NT5DC3: variants seen among roughly 807,000 people sequenced by gnomAD.
The protein encoded by NT5DC3 is 5'-nucleotidase domain-containing protein 3.
In NT5DC3, 42 loss-of-function variants were observed where a neutral mutation model predicts 67.8. That is an observed-to-expected ratio of 0.62 (90% CI 0.48 to 0.80). NT5DC3 has a LOEUF of 0.80. Ranked by LOEUF, NT5DC3 falls within the 30% of genes least tolerant of loss-of-function variation. The pLI, the probability that NT5DC3 is intolerant of heterozygous loss-of-function variation, is 0.00. For synonymous variants in NT5DC3, 237 were observed against 255.6 expected, an observed-to-expected ratio of 0.93 and a Z score of 0.69; for missense variants, 570 against 696.4, an observed-to-expected ratio of 0.82 and a Z score of 2.04.
At chr12:103,755,212 A>C in the NT5DC3 span, 1 of 1,534,106 alleles carries the variant, frequency 6.5e-7, no homozygotes, top group African/African-American at 1.4e-5. Flanking sequence ...TATGGGTTTT[A>C]TGGCCTAATA....
chr12:103,840,191 A>G (rs561061073), intron 1 of NT5DC3, among the ~76,000 whole-genome samples: 1 of 152,288 alleles, frequency 6.6e-6, no homozygotes, highest in African/African-American at 2.4e-5. Context: ...AACGATTTAG[A>G]GATAATCTAC....
chr12:103,759,228 G>T, the NT5DC3 span: 15,959 of 1,614,164 alleles, frequency 9.9e-3, 730 homozygotes, highest in East Asian at 0.091. Context: ...AAACGAGGCT[G>T]GGAAGCAAGC....
intron 12 of NT5DC3, 119 bp from the exon 13 acceptor site, chr12:103,780,483 G>C (rs1885505599): frequency 8.6e-6 from 7 of 818,568 alleles, no homozygotes; most frequent in Middle Eastern, 2.3e-4. Context: ...CATCTCAGAG[G>C]CTGGCACCTG....
chr12:103,776,173 A>G lies in NT5DC3; in HGVS notation c.*1656T>C, dbSNP rs1885332040. The G allele has an allele frequency of 6.6e-6, 1 of 152,208 alleles. No individual in the cohort carries two copies. Among genetic ancestry groups the G allele is most frequent in the Non-Finnish European group, 1.5e-5 (1 of 68,046 alleles). The allele number at this position is 152,208 out of a possible 1,614,324, so 9.4% of individuals were successfully genotyped here. On this transcript the variant is annotated 3_prime_UTR_variant, in exon 14 of 14. Transcript: ENST00000392876. ...AGAGTGCAGTAAATATGCACTTTACATTGAAGGATACTACAAATGCAGGTG... is the reference window on the plus strand; with the variant it reads ...AGAGTGCAGTAAATATGCACTTTACGTTGAAGGATACTACAAATGCAGGTG...
rs779969413 is a variant in NT5DC3 at position 103,815,087 on chromosome 12, A to AT, written c.242dup (p.Asn81LysfsTer10). On this transcript the variant is annotated frameshift_variant, in exon 2 of 14. Transcript: ENST00000392876. LOFTEE classifies it high-confidence loss of function. ...CATTGTTTGAGAAAATGGCATCTGG[A>AT]TTCAACAAGTTGCTCATAATGGAAG... 891 of 1,613,434 alleles carry AT rather than the reference A, an allele frequency of 5.5e-4. 1 individual carries two copies. The highest frequency in any genetic ancestry group is 6.8e-4 in the Non-Finnish European group (798 of 1,179,624).
At chr12:103,811,273 T>C (rs1593418667) in intron 2 of NT5DC3, among the ~76,000 whole-genome samples, 1 of 131,670 alleles carries the variant, frequency 7.6e-6, no homozygotes, top group Admixed American at 8.2e-5. Flanking sequence ...CATTCACAAA[T>C]CTGCGGGTGG....
intron 1 of NT5DC3, among the ~76,000 whole-genome samples, chr12:103,825,359 C>T (rs551223832): frequency 6.6e-6 from 1 of 152,242 alleles, no homozygotes; most frequent in South Asian, 2.1e-4. Flanking sequence ...AATAAAACTA[C>T]ATACAACTAC....
rs1179252411 is a variant in NT5DC3, at chr12:103,772,494, G to A, written c.*5335C>T. The A allele has an allele frequency of 3.9e-5, 6 of 152,296 alleles. No individual in the cohort carries two copies. The highest frequency in any genetic ancestry group is 3.9e-4 in the Admixed American group (6 of 15,284). The allele number at this position is 152,296 out of a possible 1,614,324, so 9.4% of individuals were successfully genotyped here. On this transcript the variant is annotated 3_prime_UTR_variant, in exon 14 of 14. Coordinates refer to ENST00000392876, the MANE Select transcript of NT5DC3 (RefSeq NM_001031701.3). Reference sequence around the variant, plus strand: ...ATAACTGGAAAAGTCTCCAAAGTCAGAGTTCAAACCTGCAGGACTGAAAAC... The same window carrying A: ...ATAACTGGAAAAGTCTCCAAAGTCAAAGTTCAAACCTGCAGGACTGAAAAC...
chr12:103,784,518 G>A (rs758340932), intron 12 of NT5DC3, among the ~76,000 whole-genome samples: 3 of 152,234 alleles, frequency 2.0e-5, no homozygotes, highest in Non-Finnish European at 4.4e-5. Flanking sequence ...CAGAGGGCAG[G>A]CATGGGCAAT....
At chr12:103,821,852 A>G (rs1046274796) in intron 1 of NT5DC3, 1 of 152,188 alleles carries the variant, frequency 6.6e-6, no homozygotes, top group South Asian at 2.1e-4. Flanking sequence ...CCCATGCCCT[A>G]CTTTCAACAA....
rs534800414 is a variant in NT5DC3 at position 103,777,871 on chromosome 12, G to C, written c.1605C>G (p.Pro535=). Residue 535 remains proline (P), a synonymous_variant, in exon 14 of 14, where the codon CCC becomes CCG. Transcript: ENST00000392876. The stretch of plus-strand genomic sequence containing the variant: ...CCTGCAGGAGAGGGGTTCCGAAGGT[G>C]GGGGGCCTTTCTGACCAGGCGGGCA... ...HELPAWSERP[P]TFGTPLLQEA... is the part of the protein sequence containing the mutation. 1 of 1,614,096 alleles carries C rather than the reference G, an allele frequency of 6.2e-7. No homozygotes were observed. The highest frequency in any genetic ancestry group is 2.2e-5 in the East Asian group (1 of 44,880).
At chr12:103,788,143 T>C (rs1462991028) in intron 10 of NT5DC3, among the ~76,000 whole-genome samples, 1 of 152,128 alleles carries the variant, frequency 6.6e-6, no homozygotes. Context: ...CACCAAAATA[T>C]ATTAGAACTG....
chr12:103,796,929 C>T lies in NT5DC3; in HGVS notation c.718G>A (p.Asp240Asn). The T allele has an allele frequency of 6.2e-7, 1 of 1,614,064 alleles. No homozygotes were observed. The highest frequency in any genetic ancestry group is 1.1e-5 in the South Asian group (1 of 91,074). Residue 240 changes from aspartate (D) to asparagine (N), a missense_variant, in exon 6 of 14, where the codon GAC becomes AAC. By Grantham distance (23) the Asp-to-Asn change is conservative. Transcript: ENST00000392876. ...TTGTACAGATGCACAGGCTCATAGTCGATGTTGTTCTTGAGGAAGTATTCA... is the reference window on the plus strand; with the variant it reads ...TTGTACAGATGCACAGGCTCATAGTTGATGTTGTTCTTGAGGAAGTATTCA... ...VNEYFLKNNI[D>N]YEPVHLYKDV...
At position 103,785,441 on chromosome 12, in the gene NT5DC3, G is replaced by T. The variant is rs1483194106; in HGVS notation, c.1223C>A (p.Ala408Glu). 1 of 1,613,994 alleles carries T rather than the reference G, an allele frequency of 6.2e-7. No homozygotes were observed. Among genetic ancestry groups the T allele is most frequent in the Non-Finnish European group, 8.5e-7 (1 of 1,179,912 alleles). ...CTCAGATCTCAACTCTGGGATGATTGCACCAGTCCTCCAGCCATGCTTTAG... is the reference window on the plus strand; with the variant it reads ...CTCAGATCTCAACTCTGGGATGATTTCACCAGTCCTCCAGCCATGCTTTAG... ...LTLKHGWRTG[A>E]IIPELRSELK... is the part of the protein sequence containing the mutation. The change falls in exon 12 of 14, where the codon GCA becomes GAA. Residue 408 changes from alanine to glutamate, a missense_variant. By Grantham distance (107) the Ala-to-Glu change is moderately radical. Transcript: ENST00000392876.
rs34153178 is a variant in NT5DC3 at position 103,815,321 on chromosome 12, T to C, written c.209-200A>G. On this transcript the variant is annotated intron_variant, in intron 1 of 13. Transcript: ENST00000392876. Reference sequence around the variant, plus strand: ...GAAATGTCCAGAAATGACAAATCCATAGGCACAGAAAGGAGATTCATGGTT... The same window carrying C: ...GAAATGTCCAGAAATGACAAATCCACAGGCACAGAAAGGAGATTCATGGTT... Among the ~76,000 whole-genome samples the C allele has an allele frequency of 2.1e-3, 325 of 152,278 alleles. 2 individuals are homozygous for C. The highest frequency in any genetic ancestry group is 3.4e-3 in the Middle Eastern group (1 of 294).
At chr12:103,824,970 C>T (rs978267078) in intron 1 of NT5DC3, among the ~76,000 whole-genome samples, 13 of 152,120 alleles carry the variant, frequency 8.5e-5, no homozygotes, top group Non-Finnish European at 4.4e-5. Context: ...GTGCACAGGG[C>T]ACCACATGGG....
rs373379403 is a variant in NT5DC3, at chr12:103,824,778, A to G, written c.209-9657T>C. Among the ~76,000 whole-genome samples the G allele has an allele frequency of 1.2e-3, 115 of 95,010 alleles. 1 individual carries two copies. The highest frequency in any genetic ancestry group is 4.2e-3 in the African/African-American group (103 of 24,580). The allele number at this position is 95,010 out of a possible 152,430, so 62.3% of individuals were successfully genotyped here. ...TTAAATTCCAGCCCACCCTCCCTCC[A>G]CCCCTGCCCAGCCCCAGGCCCTACT... On this transcript the variant is annotated intron_variant, in intron 1 of 13. Transcript: ENST00000392876.
rs1306955184 is a variant in NT5DC3 at position 103,787,325 on chromosome 12, CCTTAAATAAAAGATATATT to C, written c.1188+97_1188+115del. ...AGGTTTTATGAAAGCATAAAGATGACCTTAAATAAAAGATATATTCTTAAATAAAAGGTACATCCTTAAA... is the reference window on the plus strand; with the variant it reads ...AGGTTTTATGAAAGCATAAAGATGACCTTAAATAAAAGGTACATCCTTAAA... On this transcript the variant is annotated intron_variant, in intron 11 of 13. Coordinates refer to ENST00000392876, the MANE Select transcript of NT5DC3 (RefSeq NM_001031701.3). 3 of 493,684 alleles carry C rather than the reference CCTTAAATAAAAGATATATT, an allele frequency of 6.1e-6. No individual in the cohort carries two copies. In the Admixed American group the frequency reaches 1.2e-4, roughly 20 times the overall value. 30.6% of individuals were successfully genotyped at this position (493,684 alleles called of 1,614,324 possible). A position where few individuals can be genotyped will look rare whatever the true frequency, so the allele number is the denominator to read the frequency against.
At chr12:103,793,325 T>G in intron 8 of NT5DC3, 60 bp from the exon 9 acceptor site, 1 of 1,564,762 alleles carries the variant, frequency 6.4e-7, no homozygotes, top group South Asian at 1.1e-5. Context: ...TGTCTGTAAC[T>G]TTTTCTTTCC....
Sources: allele counts gnomAD v4.1 joint callset (sites outside exome capture counted in the v4.1 genomes callset), GRCh38; gene constraint gnomAD v4.1.1; transcripts MANE v1.5; gene names NCBI Gene and HGNC (gene_info 2026-07-23, HGNC 2026-07-21).